Variants in TUBGCP3 observed in about 807,000 individuals in gnomAD.
The protein encoded by TUBGCP3 is tubulin gamma complex component 3, also known as gamma-tubulin complex component 3.
Under a neutral mutation model 123.1 loss-of-function variants are expected in TUBGCP3, and 50 were observed. That is an observed-to-expected ratio of 0.41 (90% CI 0.32 to 0.51). The LOEUF (loss-of-function observed/expected upper bound fraction) is 0.51, where lower values mean the gene tolerates loss of function less well. TUBGCP3 is among the 20% of genes least tolerant of loss of function. TUBGCP3 has a pLI of 0.36. For missense variants in TUBGCP3, 882 were observed against 1,127.0 expected (o/e 0.78, Z 3.11); for synonymous variants, 405 against 413.9 (o/e 0.98, Z 0.26).
intron 14 of TUBGCP3, among the ~76,000 whole-genome samples, chr13:112,520,452 C>T (rs1374170808): frequency 6.6e-6 from 1 of 151,994 alleles, no homozygotes; most frequent in Non-Finnish European, 1.5e-5. Context: ...TCGCTTGAAC[C>T]CAGGAAGCAG....
intron 11 of TUBGCP3, among the ~76,000 whole-genome samples, chr13:112,530,531 C>T (rs1252680332): frequency 1.3e-5 from 2 of 152,232 alleles, no homozygotes; most frequent in Admixed American, 6.5e-5. Flanking sequence ...TTAGCATCCT[C>T]GGGGTGTGAA....
At chr13:112,571,903 T>C (rs539512066) in intron 1 of TUBGCP3, among the ~76,000 whole-genome samples, 12 of 152,340 alleles carry the variant, frequency 7.9e-5, no homozygotes, top group Admixed American at 5.2e-4. Flanking sequence ...TAACTTTTCT[T>C]CTGCAGCTTC....
In TUBGCP3 at chr13:112,527,466, G is replaced by A; in HGVS notation, c.1354C>T (p.Pro452Ser). The change falls in exon 12 of 22, where the codon CCA becomes TCA. Residue 452 changes from proline (P) to serine (S), a missense_variant. Pro to Ser is a moderately conservative substitution (Grantham distance 74). Transcript: ENST00000261965. ...TYHEFFVASDPTVKTDRLWHD... is the reference protein window; with the variant it reads ...TYHEFFVASDSTVKTDRLWHD... ...CACAGTCGATCTGTTTTAACTGTTGGATCTGATGCTACAAAAAACTGAAAG... is the reference window on the plus strand; with the variant it reads ...CACAGTCGATCTGTTTTAACTGTTGAATCTGATGCTACAAAAAACTGAAAG... 1.2e-6 allele frequency: 2 copies of A among 1,612,528 alleles called. No individual in the cohort carries two copies.
Position 112,586,986 on chromosome 13 carries a change from G to C in TUBGCP3, c.76+919C>G, listed in dbSNP as rs796112689. Among the ~76,000 whole-genome samples, 6 of 152,310 alleles carry C rather than the reference G, an allele frequency of 3.9e-5. No homozygotes were observed. In the South Asian group the frequency reaches 1.2e-3, roughly 32 times the overall value. ...ATGTACAGTAATTGTCATGAAGCAT[G>C]AAAGGTCAAAATGCATTCTCAGTAC... On this transcript the variant is annotated intron_variant, in intron 1 of 21. Coordinates refer to ENST00000261965, the MANE Select transcript of TUBGCP3 (RefSeq NM_006322.6).
intron 8 of TUBGCP3, among the ~76,000 whole-genome samples, chr13:112,553,486 G>A (rs906754990): frequency 7.2e-5 from 11 of 152,226 alleles, no homozygotes; most frequent in Admixed American, 2.0e-4. Flanking sequence ...GAGATGCCAC[G>A]GCTCCTATTA....
chr13:112,493,052 G>T (rs1372744973), intron 20 of TUBGCP3, among the ~76,000 whole-genome samples: 1 of 148,418 alleles, frequency 6.7e-6, no homozygotes, highest in Non-Finnish European at 1.5e-5. Context: ...CTCTAGCTTT[G>T]GGAACAGGGC....
rs1044709293 is a variant in TUBGCP3, at chr13:112,511,140, G to T, written c.2086+5300C>A. Among the ~76,000 whole-genome samples the T allele has an allele frequency of 6.6e-6, 1 of 152,156 alleles. No homozygotes were observed. The highest frequency in any genetic ancestry group is 2.4e-5 in the African/African-American group (1 of 41,418). On this transcript the variant is annotated intron_variant, in intron 17 of 21. Coordinates refer to ENST00000261965, the MANE Select transcript of TUBGCP3 (RefSeq NM_006322.6). The surrounding 1 kb of genome is among the most constrained non-coding windows in gnomAD (Gnocchi z 4.1). The stretch of plus-strand genomic sequence containing the variant: ...TTTGTAAGATGAATCGTTATTATAT[G>T]AATCATCAAGAAAGTAAAACAGTTG...
chr13:112,489,886 T>C lies in TUBGCP3; in HGVS notation c.2449-189A>G, dbSNP rs1879959800. On this transcript the variant is annotated intron_variant, in intron 20 of 21. Transcript: ENST00000261965. The stretch of plus-strand genomic sequence containing the variant: ...AGCTTACTTTTTCCAGTTAACAATG[T>C]GTGTTGAAAATATTTCATATGAACA... 5.1e-6 allele frequency: 3 copies of C among 583,002 alleles called. No individual in the cohort carries two copies. In the South Asian group the frequency reaches 6.8e-5, roughly 13 times the overall value. 36.1% of individuals were successfully genotyped at this position (583,002 alleles called of 1,614,324 possible).
intron 1 of TUBGCP3, among the ~76,000 whole-genome samples, chr13:112,580,823 T>C (rs1566594961): frequency 6.6e-6 from 1 of 152,202 alleles, no homozygotes; most frequent in Non-Finnish European, 1.5e-5. Flanking sequence ...TTTCAGACTA[T>C]TAAGTAATTA....
upstream of TUBGCP3, among the ~76,000 whole-genome samples, chr13:112,590,939 T>C (rs1054000997): frequency 2.0e-5 from 3 of 152,208 alleles, no homozygotes; most frequent in Non-Finnish European, 2.9e-5. Flanking sequence ...ACCTATGAAA[T>C]TGTCTCCAGG....
chr13:112,575,005 C>T (rs560744779), intron 1 of TUBGCP3, among the ~76,000 whole-genome samples: 6 of 152,342 alleles, frequency 3.9e-5, no homozygotes, highest in Admixed American at 2.6e-4. Context: ...CCCCTTCTAC[C>T]TTCAGGGGCA....
intron 20 of TUBGCP3, 177 bp downstream of exon 20, chr13:112,498,868 T>C (rs747825844): frequency 1.0e-4 from 162 of 1,609,900 alleles, no homozygotes; most frequent in Non-Finnish European, 1.2e-4. Flanking sequence ...CCAGTGAGGG[T>C]GGCCCCTCCC....
At chr13:112,547,345 C>T in intron 10 of TUBGCP3, 1 of 429,694 alleles carries the variant, frequency 2.3e-6, no homozygotes. Flanking sequence ...CATATAAATA[C>T]TGGGCCACAC....
chr13:112,591,327 A>G (rs1882878832), upstream of TUBGCP3, among the ~76,000 whole-genome samples: 1 of 152,244 alleles, frequency 6.6e-6, no homozygotes, highest in Non-Finnish European at 1.5e-5. Context: ...AGAAAACAAC[A>G]TGTGAGGCGA....
At chr13:112,598,800 C>T in the TUBGCP3 span, among the ~76,000 whole-genome samples, 2 of 151,770 alleles carry the variant, frequency 1.3e-5, no homozygotes, top group Admixed American at 6.6e-5. Flanking sequence ...AAAAATTAGC[C>T]GGGCATCGTG....
chr13:112,520,147 C>T (rs1243170592), intron 14 of TUBGCP3, 126 bp from the exon 15 acceptor site: 3 of 810,796 alleles, frequency 3.7e-6, no homozygotes, highest in East Asian at 2.9e-5. Context: ...GGGACCAATA[C>T]AATAATGCGG....
chr13:112,595,671 A>T, the TUBGCP3 span, among the ~76,000 whole-genome samples: 1 of 150,524 alleles, frequency 6.6e-6, no homozygotes, highest in South Asian at 2.1e-4. Flanking sequence ...ATATTTTTCT[A>T]TTTTTTTCCC....
intron 2 of TUBGCP3, among the ~76,000 whole-genome samples, chr13:112,566,810 A>C (rs909080352): frequency 6.6e-6 from 1 of 152,208 alleles, no homozygotes; most frequent in Non-Finnish European, 1.5e-5. Context: ...TCTCTATTAA[A>C]TTTTAGCACA....
intron 21 of TUBGCP3, among the ~76,000 whole-genome samples, chr13:112,487,006 G>GC (rs1408328785): frequency 6.6e-6 from 1 of 151,866 alleles, no homozygotes; most frequent in East Asian, 1.9e-4. Context: ...CACAGGCTCT[G>GC]CTGTGTTGAT....
Sources: gnomAD v4.1 joint callset for allele counts (sites outside exome capture counted in the v4.1 genomes callset) on GRCh38, gnomAD v4.1.1 for gene constraint, Gnocchi (gnomAD v3.1) non-coding constraint, MANE v1.5 for transcripts, NCBI Gene and HGNC (gene_info 2026-07-23, HGNC 2026-07-21) for gene names.